RHOBTB1: variants seen among roughly 807,000 people sequenced by gnomAD.
RHOBTB1 encodes Rho related BTB domain containing 1.
A neutral mutation model predicts 71.6 loss-of-function variants in RHOBTB1; 40 were observed. That is an observed-to-expected ratio of 0.56 (90% CI 0.43 to 0.73). RHOBTB1 has a LOEUF of 0.73. RHOBTB1 is among the 30% of genes least tolerant of loss of function. The pLI, the probability that RHOBTB1 is intolerant of heterozygous loss-of-function variation, is 0.00. For missense variants in RHOBTB1, 797 were observed against 894.0 expected (o/e 0.89, Z 1.38); for synonymous variants, 319 against 334.9 (o/e 0.95, Z 0.52).
At chr10:60,903,355 G>A (rs2082499945) in intron 4 of RHOBTB1, among the ~76,000 whole-genome samples, 1 of 152,112 alleles carries the variant, frequency 6.6e-6, no homozygotes, top group African/African-American at 2.4e-5. Context: ...TAAGAATGGA[G>A]TCTCATGCCC....
At chr10:60,988,552 C>T (rs1350828670) in intron 1 of RHOBTB1, among the ~76,000 whole-genome samples, 1 of 152,034 alleles carries the variant, frequency 6.6e-6, no homozygotes, top group African/African-American at 2.4e-5. Context: ...TGAGAATATA[C>T]AGTATTTGGT....
chr10:60,991,818 T>C (rs1589475575), intron 1 of RHOBTB1, among the ~76,000 whole-genome samples: 1 of 152,176 alleles, frequency 6.6e-6, no homozygotes, highest in African/African-American at 2.4e-5. Flanking sequence ...CCCGGTCTAG[T>C]TGATGCCTGT....
chr10:60,977,654 G>GATGCC, intron 2 of RHOBTB1, among the ~76,000 whole-genome samples: 1 of 151,960 alleles, frequency 6.6e-6, no homozygotes, highest in East Asian at 1.9e-4. Context: ...CCAATCCCCA[G>GATGCC]ATGCCATGTG....
chr10:60,872,852 G>A (rs2080866080), intron 9 of RHOBTB1, among the ~76,000 whole-genome samples: 1 of 152,166 alleles, frequency 6.6e-6, no homozygotes, highest in Admixed American at 6.5e-5. Context: ...GCTCAGGAAG[G>A]TGGCAGCTGA....
At chr10:60,865,453 T>C (rs1036737824), downstream of RHOBTB1, among the ~76,000 whole-genome samples, 13 of 152,214 alleles carry the variant, frequency 8.5e-5, no homozygotes, top group Admixed American at 7.2e-4. Context: ...GGAAGTTTTT[T>C]AAACGCAGAA....
At chr10:60,924,978 C>T (rs187492431) in intron 2 of RHOBTB1, among the ~76,000 whole-genome samples, 4 of 152,246 alleles carry the variant, frequency 2.6e-5, no homozygotes, top group African/African-American at 9.6e-5. Context: ...GTTTAGATGA[C>T]GGGGATAGAT....
intron 2 of RHOBTB1, among the ~76,000 whole-genome samples, chr10:60,951,770 G>T (rs2085416614): frequency 1.3e-5 from 2 of 152,300 alleles, no homozygotes; most frequent in Admixed American, 1.3e-4. Flanking sequence ...AATGGTAAAT[G>T]GTTGTTAATA....
chr10:60,972,798 A>AAG (rs1177281615), intron 2 of RHOBTB1, among the ~76,000 whole-genome samples: 1 of 152,090 alleles, frequency 6.6e-6, no homozygotes, highest in Non-Finnish European at 1.5e-5. Context: ...GCTCAAGCTT[A>AAG]ATCTAACTAC....
rs191759863 is a variant in RHOBTB1 at position 60,906,293 on chromosome 10, G to A, written c.296+4594C>T. Among the ~76,000 whole-genome samples the A allele has an allele frequency of 2.0e-3, 299 of 152,290 alleles. 1 individual carries two copies. The highest frequency in any genetic ancestry group is 6.1e-3 in the African/African-American group (255 of 41,562). On this transcript the variant is annotated intron_variant, in intron 4 of 10. Transcript: ENST00000337910. ...CTGAAAGCAAAAGGACTCATGCTCC[G>A]CTACTTAATGGATGCATATAAAGAA...
chr10:61,001,513 C>T (rs1474981782), upstream of RHOBTB1: 1 of 151,504 alleles, frequency 6.6e-6, no homozygotes, highest in Non-Finnish European at 1.5e-5. Context: ...CCGCCGACCC[C>T]GCCCTCTCCC....
chr10:60,998,395 C>T (rs919802415), intron 1 of RHOBTB1, among the ~76,000 whole-genome samples: 2 of 152,188 alleles, frequency 1.3e-5, no homozygotes, highest in African/African-American at 4.8e-5. Flanking sequence ...AGAGTTCTGG[C>T]CTATGCAGCC....
chr10:60,872,171 T>C lies in RHOBTB1; in HGVS notation c.1921+14A>G. ...GAGGAGAGCTGGATGAATGGGGGCCTCACACAGTCTCACCTGCAGATTTTG... is the reference window on the plus strand; with the variant it reads ...GAGGAGAGCTGGATGAATGGGGGCCCCACACAGTCTCACCTGCAGATTTTG... On this transcript the variant is annotated intron_variant, in intron 10 of 10. Transcript: ENST00000337910. 2 of 1,578,264 alleles carry C rather than the reference T, an allele frequency of 1.3e-6. No individual in the cohort carries two copies. The highest frequency in any genetic ancestry group is 1.7e-6 in the Non-Finnish European group (2 of 1,147,408).
chr10:60,941,350 T>G (rs1424380698), intron 2 of RHOBTB1, among the ~76,000 whole-genome samples: 3 of 152,202 alleles, frequency 2.0e-5, no homozygotes, highest in African/African-American at 7.2e-5. Context: ...GAGATTTTTT[T>G]TTTCTTTCTG....
chr10:60,914,450 C>A lies in RHOBTB1; in HGVS notation c.-10-2898G>T, dbSNP rs149854510. Among the ~76,000 whole-genome samples the A allele has an allele frequency of 3.1e-3, 467 of 152,236 alleles. 3 individuals carry two copies. Among genetic ancestry groups the A allele is most frequent in the African/African-American group, 0.01 (431 of 41,534 alleles). ...GTCCTCAGTGGTGGGAAACCTTACT[C>A]TTTTAAGGGTGAATTTTTTTTATTT... On this transcript the variant is annotated intron_variant, in intron 2 of 10. Coordinates refer to ENST00000337910, the MANE Select transcript of RHOBTB1 (RefSeq NM_014836.5).
At chr10:60,908,292 T>C (rs1289597074) in intron 4 of RHOBTB1, among the ~76,000 whole-genome samples, 3 of 152,204 alleles carry the variant, frequency 2.0e-5, no homozygotes, top group Non-Finnish European at 4.4e-5. Flanking sequence ...AACATGTTGG[T>C]TTAAATCTGG....
At chr10:60,960,110 C>G (rs2085728050) in intron 2 of RHOBTB1, among the ~76,000 whole-genome samples, 1 of 152,072 alleles carries the variant, frequency 6.6e-6, no homozygotes, top group East Asian at 1.9e-4. Context: ...CTGTAAGAAG[C>G]TTTATAATTT....
chr10:60,888,353 C>G lies in RHOBTB1; in HGVS notation c.1315G>C (p.Val439Leu), dbSNP rs773452417. 3.7e-6 allele frequency: 6 copies of G among 1,614,178 alleles called. No individual in the cohort carries two copies. In the South Asian group the frequency reaches 6.6e-5, roughly 18 times the overall value. ...ATCCTCAAATCGAACATCTCGAGGA[C>G]CTCTGCGATCTGAGCCAGGCCCACC... Reference protein sequence around the residue: ...DLVGLAQIAEVLEMFDLRMMV... With the variant: ...DLVGLAQIAELLEMFDLRMMV... The change falls in exon 6 of 11, where the codon GTC becomes CTC. Residue 439 changes from valine to leucine, a missense_variant. Val to Leu is a conservative substitution (Grantham distance 32). Around this residue, in one of 2 missense-constraint regions of RHOBTB1, gnomAD observed 658 missense variants for 681.5 expected, o/e 0.97. Coordinates refer to ENST00000337910, the MANE Select transcript of RHOBTB1 (RefSeq NM_014836.5).
At chr10:60,946,134 CG>C (rs2085224438), upstream of RHOBTB1, among the ~76,000 whole-genome samples, 1 of 151,542 alleles carries the variant, frequency 6.6e-6, no homozygotes, top group South Asian at 2.1e-4. Flanking sequence ...GCCGAGATCG[CG>C]CCACTGCACT....
Position 60,888,838 on chromosome 10 carries a change from T to C in RHOBTB1, c.830A>G (p.His277Arg). Reference protein sequence around the residue: ...DVLFILQDQEHIFAHRIYLAT... With the variant: ...DVLFILQDQERIFAHRIYLAT... ...GAGGTAAATTCGATGTGCAAAGATGTGTTCCTGGTCCTGAAGGATGAACAG... is the reference window on the plus strand; with the variant it reads ...GAGGTAAATTCGATGTGCAAAGATGCGTTCCTGGTCCTGAAGGATGAACAG... The change falls in exon 6 of 11, where the codon CAC becomes CGC. Residue 277 changes from histidine (H) to arginine (R), a missense_variant. Around this residue, in one of 2 missense-constraint regions of RHOBTB1, gnomAD observed 658 missense variants for 681.5 expected, o/e 0.97. Transcript: ENST00000337910. 6.2e-7 allele frequency: 1 copy of C among 1,614,200 alleles called. No homozygotes were observed. Among genetic ancestry groups the C allele is most frequent in the Non-Finnish European group, 8.5e-7 (1 of 1,180,026 alleles).
Sources: allele counts gnomAD v4.1 joint callset (sites outside exome capture counted in the v4.1 genomes callset), GRCh38; gene constraint gnomAD v4.1.1; regional missense constraint gnomAD v4.1.1; transcripts MANE v1.5; gene names NCBI Gene and HGNC (gene_info 2026-07-23, HGNC 2026-07-21).